TBXAS1: variants seen among roughly 807,000 people sequenced by gnomAD.
TBXAS1 encodes thromboxane A synthase 1, also known as thromboxane-A synthase.
Under a neutral mutation model 60.7 loss-of-function variants are expected in TBXAS1, and 48 were observed. The ratio of observed to expected loss-of-function variants is 0.79; its 90% CI spans 0.63 to 1.01. TBXAS1 has a LOEUF of 1.01. Among genes scored for constraint, TBXAS1 ranks in the 50% least tolerant of loss-of-function variants. The pLI, the probability that TBXAS1 is intolerant of heterozygous loss-of-function variation, is 0.00. For missense variants in TBXAS1, 685 were observed against 686.3 expected (o/e 1.00, Z 0.02); for synonymous variants, 287 against 269.7 (o/e 1.06, Z -0.63).
intron 9 of TBXAS1, among the ~76,000 whole-genome samples, chr7:139,994,514 A>G (rs2117621030): frequency 6.6e-6 from 1 of 152,082 alleles, no homozygotes; most frequent in East Asian, 1.9e-4. Flanking sequence ...TGGGCAAAGG[A>G]GGCTTTTTTT....
chr7:139,809,805 G>A (rs1797982656), intron 4 of TBXAS1, among the ~76,000 whole-genome samples: 3 of 152,104 alleles, frequency 2.0e-5, no homozygotes, highest in South Asian at 4.1e-4. Flanking sequence ...CGTCCATGTT[G>A]AGGGTGAATC....
chr7:139,779,823 C>T (rs1796925054), intron 1 of TBXAS1, among the ~76,000 whole-genome samples: 1 of 152,222 alleles, frequency 6.6e-6, no homozygotes, highest in Non-Finnish European at 1.5e-5. Flanking sequence ...ATGAGTTCAG[C>T]AAGTCACTGC....
At chr7:139,791,063 C>T (rs539395494) in intron 4 of TBXAS1, among the ~76,000 whole-genome samples, 17 of 152,266 alleles carry the variant, frequency 1.1e-4, no homozygotes, top group African/African-American at 4.1e-4. Flanking sequence ...CTTGGCCTCC[C>T]AAAGTGCTGG....
intron 3 of TBXAS1, among the ~76,000 whole-genome samples, chr7:139,894,163 T>G (rs1213338274): frequency 1.3e-5 from 2 of 152,196 alleles, no homozygotes; most frequent in African/African-American, 4.8e-5. Context: ...GGGGCTTTCC[T>G]TAGCAGCAGG....
At chr7:139,856,212 T>G (rs1486006005) in intron 1 of TBXAS1, among the ~76,000 whole-genome samples, 2 of 152,228 alleles carry the variant, frequency 1.3e-5, no homozygotes, top group African/African-American at 4.8e-5. Flanking sequence ...GGTTGTGGCT[T>G]CAACCCTTAA....
intron 9 of TBXAS1, among the ~76,000 whole-genome samples, chr7:139,993,235 C>G (rs1469570576): frequency 1.3e-5 from 2 of 152,076 alleles, no homozygotes; most frequent in Non-Finnish European, 2.9e-5. Context: ...ACCCTCATGA[C>G]CTCATCTAAC....
intron 9 of TBXAS1, among the ~76,000 whole-genome samples, chr7:139,993,100 G>A (rs1813043369): frequency 6.6e-6 from 1 of 152,210 alleles, no homozygotes; most frequent in Non-Finnish European, 1.5e-5. Flanking sequence ...GGGAGGCTGA[G>A]GCAAGAGAAT....
upstream of TBXAS1, among the ~76,000 whole-genome samples, chr7:139,826,613 A>G (rs1483721371): frequency 1.3e-5 from 2 of 152,176 alleles, no homozygotes; most frequent in Non-Finnish European, 2.9e-5. Context: ...GAGGAAGAGC[A>G]TGGGCTTTAG....
chr7:139,821,357 T>A (rs1388125409), intron 4 of TBXAS1, among the ~76,000 whole-genome samples: 2 of 152,080 alleles, frequency 1.3e-5, no homozygotes, highest in African/African-American at 4.8e-5. Flanking sequence ...GGAATGACAA[T>A]TGGGCTGGAG....
intron 3 of TBXAS1, among the ~76,000 whole-genome samples, chr7:139,898,069 C>T (rs1390272745): frequency 2.0e-5 from 3 of 152,226 alleles, no homozygotes; most frequent in Admixed American, 6.5e-5. Flanking sequence ...CCCGGAGGAG[C>T]GCCTGTGAGT....
At chr7:139,808,139 C>T (rs1797925461) in intron 4 of TBXAS1, among the ~76,000 whole-genome samples, 1 of 151,432 alleles carries the variant, frequency 6.6e-6, no homozygotes, top group African/African-American at 2.4e-5. Context: ...TGAGACCAGC[C>T]TAGGCAACAT....
At chr7:140,005,733 C>T (rs1814028062) in intron 9 of TBXAS1, among the ~76,000 whole-genome samples, 1 of 152,228 alleles carries the variant, frequency 6.6e-6, no homozygotes, top group Non-Finnish European at 1.5e-5. Flanking sequence ...GATTAAACTA[C>T]ATATAATTTC....
intron 4 of TBXAS1, among the ~76,000 whole-genome samples, chr7:139,820,637 C>G (rs955922242): frequency 6.6e-6 from 1 of 152,164 alleles, no homozygotes; most frequent in Non-Finnish European, 1.5e-5. Context: ...AATGGCTTTC[C>G]TTTCCTTTTG....
chr7:139,798,826 T>A (rs1386976584), intron 4 of TBXAS1, among the ~76,000 whole-genome samples: 2 of 152,212 alleles, frequency 1.3e-5, no homozygotes, highest in Non-Finnish European at 1.5e-5. Context: ...AAGATTCTGA[T>A]TCCGTGTGTG....
At chr7:139,904,997 C>T (rs13312421) in intron 3 of TBXAS1, among the ~76,000 whole-genome samples, 4,889 of 91,886 alleles carry the variant, frequency 0.053, 145 homozygotes, top group African/African-American at 0.1. Flanking sequence ...CTCTCTTTCT[C>T]TCTTTCTCTC....
At chr7:139,918,441 G>A (rs1457468035) in intron 4 of TBXAS1, among the ~76,000 whole-genome samples, 3 of 152,140 alleles carry the variant, frequency 2.0e-5, no homozygotes, top group Non-Finnish European at 4.4e-5. Context: ...TATTCTCGCA[G>A]CCAAGCATGT....
chr7:139,851,964 T>C (rs1189684132), intron 1 of TBXAS1, among the ~76,000 whole-genome samples: 1 of 152,184 alleles, frequency 6.6e-6, no homozygotes, highest in Non-Finnish European at 1.5e-5. Flanking sequence ...GGGGTTTCCA[T>C]CTTGGGCTCG....
chr7:139,982,974 G>A (rs891815476), intron 9 of TBXAS1, among the ~76,000 whole-genome samples: 15 of 151,966 alleles, frequency 9.9e-5, no homozygotes, highest in Admixed American at 9.8e-4. Context: ...CCATTTTCCT[G>A]GTCTCCAAGT....
chr7:139,976,163 G>C (rs1811549706), intron 9 of TBXAS1, among the ~76,000 whole-genome samples: 1 of 152,182 alleles, frequency 6.6e-6, no homozygotes, highest in South Asian at 2.1e-4. Flanking sequence ...CCTCCCCTCT[G>C]CTCATTGCCA....
Sources: allele counts gnomAD v4.1 joint callset (sites outside exome capture counted in the v4.1 genomes callset), GRCh38; gene constraint gnomAD v4.1.1; transcripts MANE v1.5; gene names NCBI Gene and HGNC (gene_info 2026-07-23, HGNC 2026-07-21).